Variants in CNTNAP2 observed in about 807,000 individuals in gnomAD.
The protein encoded by CNTNAP2 is contactin-associated protein-like 2.
Under a neutral mutation model 155.2 loss-of-function variants are expected in CNTNAP2, and 98 were observed. The ratio of observed to expected loss-of-function variants is 0.63; its 90% CI spans 0.54 to 0.75. The LOEUF (loss-of-function observed/expected upper bound fraction) is 0.75, where lower values mean the gene tolerates loss of function less well. CNTNAP2 is among the 30% of genes least tolerant of loss of function. The pLI, the probability that CNTNAP2 is intolerant of heterozygous loss-of-function variation, is 0.00. For missense variants in CNTNAP2, 1,727 were observed against 1,688.1 expected, an observed-to-expected ratio of 1.02 and a Z score of -0.40; for synonymous variants, 651 against 631.2, an observed-to-expected ratio of 1.03 and a Z score of -0.47.
At chr7:147,803,614 A>G (rs961454871) in intron 13 of CNTNAP2, among the ~76,000 whole-genome samples, 49 of 152,220 alleles carry the variant, frequency 3.2e-4, no homozygotes, top group African/African-American at 1.2e-3. Flanking sequence ...ATATCCCTGG[A>G]TTTCCTCTGG....
intron 13 of CNTNAP2, among the ~76,000 whole-genome samples, chr7:147,835,803 A>C (rs1300339675): frequency 6.6e-6 from 1 of 152,162 alleles, no homozygotes; most frequent in Non-Finnish European, 1.5e-5. Flanking sequence ...AAGGAGAGAG[A>C]GCTTTGACAC....
At chr7:146,491,302 C>G (rs1292987084) in intron 1 of CNTNAP2, among the ~76,000 whole-genome samples, 1 of 151,934 alleles carries the variant, frequency 6.6e-6, no homozygotes, top group Admixed American at 6.6e-5. Context: ...GGGTTGGGTT[C>G]TGCTCACTTC....
chr7:147,712,548 G>A (rs1201949423), intron 13 of CNTNAP2, among the ~76,000 whole-genome samples: 7 of 152,144 alleles, frequency 4.6e-5, no homozygotes, highest in South Asian at 2.1e-4. Flanking sequence ...CATATACACC[G>A]TGGAATACCA....
intron 1 of CNTNAP2, among the ~76,000 whole-genome samples, chr7:146,167,782 T>C (rs1448269579): frequency 6.6e-6 from 1 of 152,144 alleles, no homozygotes; most frequent in South Asian, 2.1e-4. Context: ...GGAGAGTCTA[T>C]TGAATATTGA....
chr7:147,697,601 G>A (rs1337667570), intron 13 of CNTNAP2, among the ~76,000 whole-genome samples: 2 of 152,074 alleles, frequency 1.3e-5, no homozygotes, highest in African/African-American at 4.8e-5. Flanking sequence ...CTATGATTAG[G>A]TCTCAGTCTT....
At chr7:147,314,858 G>A (rs1236208519) in intron 9 of CNTNAP2, among the ~76,000 whole-genome samples, 28 of 151,048 alleles carry the variant, frequency 1.9e-4, no homozygotes, top group Non-Finnish European at 1.5e-5. Flanking sequence ...AATGTTGGAA[G>A]ATCAAAAGAA....
intron 10 of CNTNAP2, among the ~76,000 whole-genome samples, chr7:147,414,943 A>G (rs1797166595): frequency 7.9e-6 from 1 of 126,244 alleles, no homozygotes; most frequent in Admixed American, 7.2e-5. Flanking sequence ...CTCCTTCTCA[A>G]AAAAAAAAAA....
At chr7:148,210,973 T>C (rs932995541) in intron 18 of CNTNAP2, among the ~76,000 whole-genome samples, 3 of 152,290 alleles carry the variant, frequency 2.0e-5, no homozygotes, top group South Asian at 2.1e-4. Flanking sequence ...ACAAAACAAG[T>C]TTAAGCAGAG....
At position 146,249,594 on chromosome 7, in the gene CNTNAP2, C is replaced by A. The variant is rs182285919; in HGVS notation, c.97+132621C>A. ...CAGCACAAATATCACTTATTATGTG[C>A]TGCTTGAATATTATTTTCTTTATTT... On this transcript the variant is annotated intron_variant, in intron 1 of 23. Coordinates refer to ENST00000361727, the MANE Select transcript of CNTNAP2 (RefSeq NM_014141.6). Among the ~76,000 whole-genome samples, 22 of 152,260 alleles carry A rather than the reference C, an allele frequency of 1.4e-4. No individual in the cohort carries two copies. The East Asian group carries it at 4.1e-3, about 28-fold the overall frequency.
At chr7:146,728,039 G>T (rs139791040) in intron 1 of CNTNAP2, among the ~76,000 whole-genome samples, 1 of 152,092 alleles carries the variant, frequency 6.6e-6, no homozygotes, top group African/African-American at 2.4e-5. Context: ...TTCAACTCAC[G>T]GTGGCAAAGA....
At chr7:147,212,011 A>T (rs185527088) in intron 8 of CNTNAP2, among the ~76,000 whole-genome samples, 1 of 152,116 alleles carries the variant, frequency 6.6e-6, no homozygotes, top group Non-Finnish European at 1.5e-5. Flanking sequence ...CGACATCACT[A>T]ATCATCAGAG....
chr7:146,350,278 A>C (rs912401890), intron 1 of CNTNAP2, among the ~76,000 whole-genome samples: 42 of 152,240 alleles, frequency 2.8e-4, no homozygotes, highest in African/African-American at 9.4e-4. Context: ...CAACCTACTC[A>C]TCTGACAAAG....
chr7:146,850,566 T>C (rs1047089199), intron 3 of CNTNAP2, among the ~76,000 whole-genome samples: 18 of 152,188 alleles, frequency 1.2e-4, no homozygotes, highest in African/African-American at 4.1e-4. Context: ...ATTATTTTTA[T>C]GATTAAGCCC....
intron 14 of CNTNAP2, among the ~76,000 whole-genome samples, chr7:147,963,878 C>T (rs1801159328): frequency 6.6e-6 from 1 of 151,916 alleles, no homozygotes; most frequent in South Asian, 2.1e-4. Flanking sequence ...GTCTTTTTTC[C>T]CCCCTCAGAA....
chr7:147,493,347 C>A (rs1798641688), intron 11 of CNTNAP2, among the ~76,000 whole-genome samples: 1 of 152,172 alleles, frequency 6.6e-6, no homozygotes, highest in South Asian at 2.1e-4. Context: ...ATCAAGTGAG[C>A]AACTACCAAA....
chr7:148,247,611 C>A (rs1161134656), intron 20 of CNTNAP2, among the ~76,000 whole-genome samples: 4 of 146,626 alleles, frequency 2.7e-5, no homozygotes, highest in South Asian at 4.3e-4. Flanking sequence ...CTCTCTCTCT[C>A]TCTCTCTCTC....
chr7:146,330,249 C>G (rs1361386254), intron 1 of CNTNAP2, among the ~76,000 whole-genome samples: 2 of 151,804 alleles, frequency 1.3e-5, no homozygotes, highest in Non-Finnish European at 2.9e-5. Flanking sequence ...CTCGAACTCC[C>G]GACCTCAGGT....
chr7:146,138,919 C>T (rs1797836398), intron 1 of CNTNAP2, among the ~76,000 whole-genome samples: 1 of 152,030 alleles, frequency 6.6e-6, no homozygotes, highest in Admixed American at 6.6e-5. Context: ...TATATGCTCC[C>T]CAGTTTGCAA....
chr7:146,532,876 A>T (rs1797789778), intron 1 of CNTNAP2, among the ~76,000 whole-genome samples: 1 of 151,938 alleles, frequency 6.6e-6, no homozygotes, highest in South Asian at 2.1e-4. Context: ...CAAGGTCAGG[A>T]GTTCGAGACC....
Sources: allele counts gnomAD v4.1 joint callset (sites outside exome capture counted in the v4.1 genomes callset), GRCh38; gene constraint gnomAD v4.1.1; transcripts MANE v1.5; gene names NCBI Gene and HGNC (gene_info 2026-07-23, HGNC 2026-07-21).